CAPZA2: variants seen among roughly 807,000 people sequenced by gnomAD.
CAPZA2 encodes the protein capping actin protein of muscle Z-line subunit alpha 2, also known as F-actin-capping protein subunit alpha-2.
CAPZA2 carries 13 observed loss-of-function variants against 44.0 expected under a neutral mutation model. That is an observed-to-expected ratio of 0.30 (90% CI 0.19 to 0.47). The LOEUF (loss-of-function observed/expected upper bound fraction) is 0.47, where lower values mean the gene tolerates loss of function less well. CAPZA2 is among the 20% of genes least tolerant of loss of function. The pLI, the probability that CAPZA2 is intolerant of heterozygous loss-of-function variation, is 1.00. For missense variants in CAPZA2, 244 were observed against 338.6 expected (o/e 0.72, Z 2.19); for synonymous variants, 94 against 108.2 (o/e 0.87, Z 0.81).
intron 3 of CAPZA2, 47 bp downstream of exon 3, chr7:116,893,092 A>G: frequency 8.0e-7 from 1 of 1,247,494 alleles, no homozygotes; most frequent in Non-Finnish European, 1.1e-6. Context: ...ACATGGGAAA[A>G]CGAGAGATGC....
intron 1 of CAPZA2, among the ~76,000 whole-genome samples, chr7:116,866,790 A>G (rs981194481): frequency 6.6e-6 from 1 of 152,234 alleles, no homozygotes; most frequent in African/African-American, 2.4e-5. Flanking sequence ...ACATAGCTGT[A>G]GCACTAACTT....
intron 3 of CAPZA2, among the ~76,000 whole-genome samples, chr7:116,895,525 A>C (rs1224645809): frequency 1.3e-5 from 2 of 152,174 alleles, no homozygotes; most frequent in Non-Finnish European, 2.9e-5. Flanking sequence ...TGATCTTTTA[A>C]GTAAACGAGT....
At position 116,916,048 on chromosome 7, in the gene CAPZA2, T is replaced by C. The variant is rs757001904; in HGVS notation, c.658-12T>C. 13 of 1,501,024 alleles carry C rather than the reference T, an allele frequency of 8.7e-6. No individual in the cohort carries two copies. In the East Asian group the frequency reaches 3.1e-4, roughly 36 times the overall value. 93.0% of individuals were successfully genotyped at this position (1,501,024 alleles called of 1,614,324 possible). A position where few individuals can be genotyped will look rare whatever the true frequency, so the allele number is the denominator to read the frequency against. On this transcript the variant is annotated splice_polypyrimidine_tract_variant and intron_variant, in intron 8 of 9. Coordinates refer to ENST00000361183, the MANE Select transcript of CAPZA2 (RefSeq NM_006136.3). ...TAAATTACTATTTTTATTTTGTTTT[T>C]TTTTTTTTCAGAATGAAGTGCAAAC... is the stretch of plus-strand genomic sequence containing the variant.
In CAPZA2 at chr7:116,919,479, TC is replaced by T. The variant is rs1361331207; in HGVS notation, c.*1614del. On this transcript the variant is annotated 3_prime_UTR_variant, in exon 10 of 10. Transcript: ENST00000361183. ...TTCTATCCCATGAAAGTCATCAATT[TC>T]CTATCTCTGTTCTAGTCTGGAATGC... 1.3e-5 allele frequency: 2 copies of T among 152,146 alleles called. No individual in the cohort carries two copies. The highest frequency in any genetic ancestry group is 4.8e-5 in the African/African-American group (2 of 41,436). 9.4% of individuals were successfully genotyped at this position (152,146 alleles called of 1,614,324 possible).
intron 2 of CAPZA2, among the ~76,000 whole-genome samples, chr7:116,890,656 G>A (rs1204760692): frequency 1.5e-5 from 2 of 136,538 alleles, no homozygotes; most frequent in Non-Finnish European, 3.1e-5. Context: ...GCATGCCTGG[G>A]AATCCCAGCT....
rs371485695 is a variant in CAPZA2 at position 116,904,969 on chromosome 7, T to TAAAA, written c.426+603_426+606dup. On this transcript the variant is annotated intron_variant, in intron 5 of 9. Transcript: ENST00000361183. ...AGCATGGTGAAACCCTGTCTCTACT[T>TAAAA]AAAAAAAAAAAAAAAAAAAACAATT... Among the ~76,000 whole-genome samples the TAAAA allele has an allele frequency of 7.3e-5, 7 of 95,600 alleles. 1 individual carries two copies. The highest frequency in any genetic ancestry group is 3.7e-4 in the South Asian group (1 of 2,702). The allele number at this position is 95,600 out of a possible 152,430, so 62.7% of individuals were successfully genotyped here.
At chr7:116,889,691 C>CT (rs1796806138) in intron 2 of CAPZA2, among the ~76,000 whole-genome samples, 1 of 152,052 alleles carries the variant, frequency 6.6e-6, no homozygotes, top group Non-Finnish European at 1.5e-5. Flanking sequence ...CATCCACAAA[C>CT]TACAATAATA....
chr7:116,882,965 C>T (rs1458975731), intron 1 of CAPZA2, among the ~76,000 whole-genome samples: 1 of 152,020 alleles, frequency 6.6e-6, no homozygotes, highest in Non-Finnish European at 1.5e-5. Context: ...AAACCATGCC[C>T]CGAAAATCCA....
chr7:116,892,167 G>C (rs1796854070), intron 2 of CAPZA2, among the ~76,000 whole-genome samples: 2 of 152,102 alleles, frequency 1.3e-5, no homozygotes, highest in African/African-American at 4.8e-5. Flanking sequence ...CACACTCTAT[G>C]TAAGAATTAT....
intron 8 of CAPZA2, among the ~76,000 whole-genome samples, chr7:116,914,326 G>C (rs1398607237): frequency 3.3e-5 from 5 of 151,928 alleles, no homozygotes; most frequent in Non-Finnish European, 7.4e-5. Flanking sequence ...ACTGCGCCCG[G>C]CCAGAAAAAT....
chr7:116,899,245 A>G (rs1390670928), intron 4 of CAPZA2, among the ~76,000 whole-genome samples: 3 of 151,942 alleles, frequency 2.0e-5, no homozygotes, highest in South Asian at 2.1e-4. Flanking sequence ...TTTCCAAACT[A>G]CAAGTTAGAT....
At chr7:116,881,596 G>A (rs1181418451) in intron 1 of CAPZA2, among the ~76,000 whole-genome samples, 4 of 151,572 alleles carry the variant, frequency 2.6e-5, no homozygotes, top group African/African-American at 7.3e-5. Flanking sequence ...AAAATTAGCC[G>A]GGCGTGGTGG....
chr7:116,887,047 T>C (rs1157687599), intron 1 of CAPZA2, among the ~76,000 whole-genome samples: 1 of 152,254 alleles, frequency 6.6e-6, no homozygotes, highest in Non-Finnish European at 1.5e-5. Context: ...CTGTTAAACC[T>C]TTTGAACTTA....
chr7:116,911,593 T>C (rs973598693), intron 7 of CAPZA2, among the ~76,000 whole-genome samples: 1 of 152,212 alleles, frequency 6.6e-6, no homozygotes, highest in Admixed American at 6.5e-5. Context: ...TGTGCTGAAA[T>C]ACGAGATCAG....
At chr7:116,900,910 A>G (rs1376380446) in intron 4 of CAPZA2, among the ~76,000 whole-genome samples, 2 of 152,160 alleles carry the variant, frequency 1.3e-5, no homozygotes, top group African/African-American at 2.4e-5. Flanking sequence ...TATGAGAAAA[A>G]AGATCACCAT....
At chr7:116,914,607 G>A (rs1032707122) in intron 8 of CAPZA2, among the ~76,000 whole-genome samples, 6 of 152,026 alleles carry the variant, frequency 3.9e-5, no homozygotes, top group Non-Finnish European at 7.4e-5. Context: ...GACTATAGGC[G>A]TGTGCCACCA....
chr7:116,866,483 T>C (rs1222724922), intron 1 of CAPZA2, among the ~76,000 whole-genome samples: 5 of 152,252 alleles, frequency 3.3e-5, no homozygotes, highest in Non-Finnish European at 1.5e-5. Flanking sequence ...CCATAGACTT[T>C]TTTACATAGT....
chr7:116,890,525 A>AATATAT (rs869031070), intron 2 of CAPZA2, among the ~76,000 whole-genome samples: 1 of 27,218 alleles, frequency 3.7e-5, no homozygotes, highest in East Asian at 1.4e-3. Flanking sequence ...AAAAAAAAAA[A>AATATAT]ATATATATAT....
At chr7:116,864,117 G>A (rs1486177286) in intron 1 of CAPZA2, among the ~76,000 whole-genome samples, 1 of 152,042 alleles carries the variant, frequency 6.6e-6, no homozygotes, top group Non-Finnish European at 1.5e-5. Flanking sequence ...ATTTTATTTA[G>A]GTGACTGAAA....
Sources: allele counts gnomAD v4.1 joint callset (sites outside exome capture counted in the v4.1 genomes callset), GRCh38; gene constraint gnomAD v4.1.1; transcripts MANE v1.5; gene names NCBI Gene and HGNC (gene_info 2026-07-23, HGNC 2026-07-21).